SHISA9: variants seen among roughly 807,000 people sequenced by gnomAD.
The protein encoded by SHISA9 is shisa family member 9.
Under a neutral mutation model 38.0 loss-of-function variants are expected in SHISA9, and 13 were observed. That is an observed-to-expected ratio of 0.34 (90% CI 0.22 to 0.54). SHISA9 has a LOEUF of 0.54. Among genes scored for constraint, SHISA9 ranks in the 20% least tolerant of loss-of-function variants. The pLI is 0.91. For missense variants in SHISA9, 538 were observed against 575.8 expected, an observed-to-expected ratio of 0.93 and a Z score of 0.67; for synonymous variants, 275 against 242.0, an observed-to-expected ratio of 1.14 and a Z score of -1.27.
the SHISA9 span, among the ~76,000 whole-genome samples, chr16:13,322,714 G>T: frequency 2.0e-5 from 3 of 152,190 alleles, no homozygotes; most frequent in African/African-American, 7.2e-5. Context: ...GATGTGGGTG[G>T]TTGCAAAGTT....
At chr16:13,081,845 C>T (rs569003314) in intron 2 of SHISA9, among the ~76,000 whole-genome samples, 107 of 146,000 alleles carry the variant, frequency 7.3e-4, no homozygotes, top group Non-Finnish European at 1.5e-3. Flanking sequence ...GAGCGAGACT[C>T]CATCTCAAAA....
the SHISA9 span, among the ~76,000 whole-genome samples, chr16:13,497,044 A>C: frequency 6.6e-6 from 1 of 152,238 alleles, no homozygotes; most frequent in Non-Finnish European, 1.5e-5. Context: ...AAATATAAGC[A>C]GATGAGACTG....
intron 2 of SHISA9, among the ~76,000 whole-genome samples, chr16:13,178,841 T>A (rs1189011467): frequency 7.5e-6 from 1 of 133,606 alleles, no homozygotes; most frequent in Non-Finnish European, 1.6e-5. Context: ...GAGGCCAGGT[T>A]TTTGTTGTTG....
chr16:13,084,216 G>A (rs546551238), intron 2 of SHISA9, among the ~76,000 whole-genome samples: 6 of 152,334 alleles, frequency 3.9e-5, no homozygotes, highest in South Asian at 2.1e-4. Flanking sequence ...AGAGAGTCAG[G>A]CAGACCCAAG....
chr16:13,333,405 T>C, the SHISA9 span, among the ~76,000 whole-genome samples: 4 of 152,152 alleles, frequency 2.6e-5, no homozygotes, highest in Non-Finnish European at 5.9e-5. Flanking sequence ...AGCTCGTCCT[T>C]GGGTGTACAT....
chr16:12,920,373 C>G (rs1334994590), intron 2 of SHISA9, among the ~76,000 whole-genome samples: 1 of 141,272 alleles, frequency 7.1e-6, no homozygotes, highest in Non-Finnish European at 1.6e-5. Flanking sequence ...AAAATATTTA[C>G]AGCAGAAAGG....
chr16:12,985,794 C>G (rs2072300486), intron 2 of SHISA9, among the ~76,000 whole-genome samples: 1 of 152,164 alleles, frequency 6.6e-6, no homozygotes, highest in South Asian at 2.1e-4. Flanking sequence ...ACAGCCAGCA[C>G]CAGTGGCTCT....
chr16:13,021,574 T>C (rs1015056687), intron 2 of SHISA9, among the ~76,000 whole-genome samples: 1 of 152,034 alleles, frequency 6.6e-6, no homozygotes. Context: ...ATGAACAACA[T>C]CTCTTTCATA....
At chr16:13,171,443 C>T (rs1388031047) in intron 2 of SHISA9, among the ~76,000 whole-genome samples, 1 of 148,856 alleles carries the variant, frequency 6.7e-6, no homozygotes, top group Non-Finnish European at 1.5e-5. Flanking sequence ...GGGACTTGTG[C>T]AGTGCTGGGA....
downstream of SHISA9, among the ~76,000 whole-genome samples, chr16:13,240,591 G>C (rs1223519753): frequency 6.6e-6 from 1 of 152,190 alleles, no homozygotes; most frequent in East Asian, 1.9e-4. Flanking sequence ...TTTTCCAGGA[G>C]ACTTTGTGTT....
At chr16:13,228,748 C>T (rs2051303227) in intron 4 of SHISA9, among the ~76,000 whole-genome samples, 2 of 152,074 alleles carry the variant, frequency 1.3e-5, no homozygotes, top group African/African-American at 2.4e-5. Flanking sequence ...AGGTTTGTTA[C>T]ATAGGTAAAC....
intron 2 of SHISA9, among the ~76,000 whole-genome samples, chr16:13,082,069 C>T (rs935319590): frequency 1.3e-5 from 2 of 152,118 alleles, no homozygotes; most frequent in African/African-American, 4.8e-5. Context: ...GCTAAGGCAA[C>T]AACGACTACA....
At chr16:13,086,767 C>T (rs1423513009) in intron 2 of SHISA9, among the ~76,000 whole-genome samples, 1 of 152,136 alleles carries the variant, frequency 6.6e-6, no homozygotes, top group African/African-American at 2.4e-5. Flanking sequence ...GAGAAAGATT[C>T]TAATACATTA....
the SHISA9 span, among the ~76,000 whole-genome samples, chr16:13,472,377 A>ATTTTTTTTT: frequency 8.7e-4 from 48 of 55,468 alleles, 6 homozygotes; most frequent in African/African-American, 2.2e-3. Flanking sequence ...GCTCTGCTAA[A>ATTTTTTTTT]TTTTTTTTTT....
intron 2 of SHISA9, among the ~76,000 whole-genome samples, chr16:12,926,321 G>C (rs1257274739): frequency 6.6e-6 from 1 of 151,964 alleles, no homozygotes; most frequent in East Asian, 1.9e-4. Context: ...GAGAATTGCA[G>C]TATTAGACTA....
chr16:13,314,470 C>T, the SHISA9 span, among the ~76,000 whole-genome samples: 7 of 152,024 alleles, frequency 4.6e-5, no homozygotes, highest in African/African-American at 1.7e-4. Context: ...AAACTCCTGA[C>T]CTTTGGTGAT....
the SHISA9 span, among the ~76,000 whole-genome samples, chr16:13,543,187 G>A: frequency 1.3e-5 from 2 of 152,182 alleles, no homozygotes; most frequent in East Asian, 3.9e-4. Context: ...AAAGGTAGAT[G>A]GGGTGTGGGA....
At chr16:13,258,155 A>C in the SHISA9 span, among the ~76,000 whole-genome samples, 1 of 152,174 alleles carries the variant, frequency 6.6e-6, no homozygotes. Context: ...CTACAACTCC[A>C]TTTGGACACA....
chr16:13,405,078 C>G, the SHISA9 span, among the ~76,000 whole-genome samples: 1 of 152,202 alleles, frequency 6.6e-6, no homozygotes, highest in Non-Finnish European at 1.5e-5. Flanking sequence ...GGAGAAGACA[C>G]ACATTGGGCA....
Sources: allele counts gnomAD v4.1 joint callset (sites outside exome capture counted in the v4.1 genomes callset), GRCh38; gene constraint gnomAD v4.1.1; transcripts MANE v1.5; gene names NCBI Gene and HGNC (gene_info 2026-07-23, HGNC 2026-07-21).